Variants in CEP120 observed in about 807,000 individuals in gnomAD.
The protein encoded by CEP120 is centrosomal protein of 120 kDa.
CEP120 carries 113 observed loss-of-function variants against 126.5 expected under a neutral mutation model. That is an observed-to-expected ratio of 0.89 (90% CI 0.77 to 1.04). The LOEUF is 1.04. Ranked by LOEUF, CEP120 falls within the 50% of genes least tolerant of loss-of-function variation. CEP120 has a pLI of 0.00. For synonymous variants in CEP120, 400 were observed against 394.3 expected (o/e 1.01, Z -0.17); for missense variants, 1,230 against 1,155.7 (o/e 1.06, Z -0.93).
rs367748337 is a variant in CEP120 at position 123,384,993 on chromosome 5, C to T, written c.1721G>A (p.Arg574His). ...FLGSNGEQCW[R>H]QTYSESVPVI... Reference sequence around the variant, plus strand: ...AGGCACACTTTCACTGTAAGTTTGACGCCAACACTGTTCACCATTAGAACC... The same window carrying T: ...AGGCACACTTTCACTGTAAGTTTGATGCCAACACTGTTCACCATTAGAACC... Residue 574 changes from arginine (R) to histidine (H), a missense_variant, in exon 11 of 20, where the codon CGT becomes CAT. Coordinates refer to ENST00000306467, the MANE Select transcript of CEP120 (RefSeq NM_001375405.1). 28 of 1,613,032 alleles carry T rather than the reference C, an allele frequency of 1.7e-5. No homozygotes were observed. The highest frequency in any genetic ancestry group is 1.2e-4 in the African/African-American group (9 of 74,836).
At chr5:123,366,987 G>A (rs557873609) in intron 17 of CEP120, among the ~76,000 whole-genome samples, 149 of 151,672 alleles carry the variant, frequency 9.8e-4, no homozygotes, top group African/African-American at 3.4e-3. Context: ...AAATCTTAAG[G>A]CTCAGCTCAG....
chr5:123,384,893 C>CAAA, intron 11 of CEP120, 58 bp downstream of exon 11: 1 of 1,449,814 alleles, frequency 6.9e-7, no homozygotes, highest in South Asian at 1.4e-5. Context: ...GCTGACTAAT[C>CAAA]AAAATCATTC....
intron 19 of CEP120, 67 bp downstream of exon 19, chr5:123,349,877 G>C: frequency 7.9e-7 from 1 of 1,266,180 alleles, no homozygotes; most frequent in Non-Finnish European, 1.1e-6. Context: ...ATCCTTGGGA[G>C]ACCTCAAGTT....
At chr5:123,367,414 A>G (rs1562013818) in intron 17 of CEP120, among the ~76,000 whole-genome samples, 1 of 151,876 alleles carries the variant, frequency 6.6e-6, no homozygotes, top group African/African-American at 2.4e-5. Context: ...ATTTATATAT[A>G]TATGTATGTA....
At chr5:123,368,995 A>G (rs1366986528) in intron 17 of CEP120, among the ~76,000 whole-genome samples, 1 of 151,898 alleles carries the variant, frequency 6.6e-6, no homozygotes, top group Non-Finnish European at 1.5e-5. Flanking sequence ...GTGATTATCA[A>G]TAAAGGGACC....
intron 2 of CEP120, among the ~76,000 whole-genome samples, chr5:123,416,925 G>T (rs1279394816): frequency 6.6e-6 from 1 of 152,070 alleles, no homozygotes; most frequent in East Asian, 1.9e-4. Flanking sequence ...ACACATAACA[G>T]TGTTCTGAAA....
At chr5:123,382,937 A>G (rs1235386921) in intron 12 of CEP120, 48 bp from the exon 13 acceptor site, 4 of 1,605,448 alleles carry the variant, frequency 2.5e-6, no homozygotes, top group Non-Finnish European at 3.4e-6. Flanking sequence ...ACACATATGC[A>G]CATTAGATTC....
At chr5:123,381,675 T>A (rs1771657380) in intron 14 of CEP120, among the ~76,000 whole-genome samples, 1 of 152,082 alleles carries the variant, frequency 6.6e-6, no homozygotes, top group Non-Finnish European at 1.5e-5. Flanking sequence ...ATATGTAGTT[T>A]TATATATATT....
chr5:123,386,032 C>T (rs1396640816), intron 10 of CEP120, among the ~76,000 whole-genome samples: 2 of 152,050 alleles, frequency 1.3e-5, no homozygotes, highest in East Asian at 1.9e-4. Flanking sequence ...AATTGTGATA[C>T]TCTGAGAAAG....
intron 16 of CEP120, among the ~76,000 whole-genome samples, chr5:123,374,228 C>G (rs529364296): frequency 6.6e-6 from 1 of 151,936 alleles, no homozygotes; most frequent in Non-Finnish European, 1.5e-5. Context: ...ACAACAACAA[C>G]AACAACAACA....
chr5:123,360,302 C>A (rs1386213126), intron 18 of CEP120, among the ~76,000 whole-genome samples: 1 of 151,900 alleles, frequency 6.6e-6, no homozygotes, highest in Non-Finnish European at 1.5e-5. Context: ...CAGTCAGGGG[C>A]AGAGCACAAT....
chr5:123,356,677 A>G (rs1769654248), intron 18 of CEP120, among the ~76,000 whole-genome samples: 1 of 152,064 alleles, frequency 6.6e-6, no homozygotes, highest in East Asian at 1.9e-4. Context: ...TTTTTTAGAA[A>G]TATGTATCCC....
intron 18 of CEP120, among the ~76,000 whole-genome samples, chr5:123,361,131 CT>C (rs1171178299): frequency 8.6e-5 from 13 of 151,798 alleles, no homozygotes; most frequent in African/African-American, 3.1e-4. Context: ...TGACTGTTCA[CT>C]GCTCAGCTTC....
chr5:123,390,261 C>T (rs1384850174), intron 7 of CEP120, 121 bp from the exon 8 acceptor site: 1 of 816,110 alleles, frequency 1.2e-6, no homozygotes, highest in Admixed American at 2.0e-5. Flanking sequence ...TATTCCTAGT[C>T]TATTTTTCTT....
intron 3 of CEP120, among the ~76,000 whole-genome samples, chr5:123,414,850 T>G (rs555133995): frequency 2.0e-4 from 31 of 151,626 alleles, no homozygotes; most frequent in African/African-American, 7.5e-4. Flanking sequence ...CGGGTGCCTG[T>G]AGTCCCAGCT....
chr5:123,366,132 A>G (rs1353965355), intron 17 of CEP120, among the ~76,000 whole-genome samples: 1 of 151,820 alleles, frequency 6.6e-6, no homozygotes. Flanking sequence ...ATTCATTCCT[A>G]TCCCCAAATC....
rs1298741675 is a variant in CEP120 at position 123,423,365 on chromosome 5, G to A, written c.-367C>T. Reference sequence around the variant, plus strand: ...CGCCCAGCTTCCGCCTAGCAACCAGGCCCGCAGGCCCAGTGCCCAGGGGAG... The same window carrying A: ...CGCCCAGCTTCCGCCTAGCAACCAGACCCGCAGGCCCAGTGCCCAGGGGAG... On this transcript the variant is annotated 5_prime_UTR_variant, in exon 1 of 20. Coordinates refer to ENST00000306467, the MANE Select transcript of CEP120 (RefSeq NM_001375405.1). 5.9e-5 allele frequency: 19 copies of A among 323,422 alleles called. No homozygotes were observed. The South Asian group carries it at 6.2e-4, about 11-fold the overall frequency. 20.0% of individuals were successfully genotyped at this position (323,422 alleles called of 1,614,324 possible). A position where few individuals can be genotyped will look rare whatever the true frequency, so the allele number is the denominator to read the frequency against.
At chr5:123,377,932 A>T (rs1771352072) in intron 15 of CEP120, among the ~76,000 whole-genome samples, 1 of 152,130 alleles carries the variant, frequency 6.6e-6, no homozygotes, top group African/African-American at 2.4e-5. Flanking sequence ...ATTAAGTTTA[A>T]ACACTCTGAC....
At chr5:123,370,685 G>GTGTGTA (rs1554101243) in intron 17 of CEP120, among the ~76,000 whole-genome samples, 52 of 146,092 alleles carry the variant, frequency 3.6e-4, no homozygotes, top group African/African-American at 1.3e-3. Context: ...GTGTGTGTGT[G>GTGTGTA]TATATATATA....
Sources: allele counts gnomAD v4.1 joint callset (sites outside exome capture counted in the v4.1 genomes callset), GRCh38; gene constraint gnomAD v4.1.1; transcripts MANE v1.5; gene names NCBI Gene and HGNC (gene_info 2026-07-23, HGNC 2026-07-21).